SPPL3: variants seen among roughly 807,000 people sequenced by gnomAD.
The protein encoded by SPPL3 is signal peptide peptidase-like 3.
Under a neutral mutation model 42.4 loss-of-function variants are expected in SPPL3, and 5 were observed. The observed-to-expected ratio is 0.12, with a 90% CI of 0.06 to 0.25. The LOEUF (loss-of-function observed/expected upper bound fraction) is 0.25, where lower values mean the gene tolerates loss of function less well. Ranked by LOEUF, SPPL3 falls within the 10% of genes least tolerant of loss-of-function variation. The pLI, the probability that SPPL3 is intolerant of heterozygous loss-of-function variation, is 1.00. For synonymous variants in SPPL3, 195 were observed against 181.8 expected, an observed-to-expected ratio of 1.07 and a Z score of -0.58; for missense variants, 235 against 489.0, an observed-to-expected ratio of 0.48 and a Z score of 4.90.
At chr12:120,782,556 G>A (rs1423849248) in intron 6 of SPPL3, 99 bp downstream of exon 6, 2 of 946,606 alleles carry the variant, frequency 2.1e-6, no homozygotes, top group African/African-American at 1.7e-5. Context: ...TGCTCTAAAA[G>A]TTTATTGTAG....
chr12:120,774,399 A>T (rs1259968937), intron 6 of SPPL3, among the ~76,000 whole-genome samples: 1 of 152,206 alleles, frequency 6.6e-6, no homozygotes, highest in East Asian at 1.9e-4. Flanking sequence ...AAAGTTGCAT[A>T]AACTCAGGAG....
At chr12:120,821,942 C>T (rs1368073967) in intron 1 of SPPL3, among the ~76,000 whole-genome samples, 1 of 152,066 alleles carries the variant, frequency 6.6e-6, no homozygotes, top group Non-Finnish European at 1.5e-5. Flanking sequence ...CTGATACATG[C>T]TACAACATAA....
intron 1 of SPPL3, among the ~76,000 whole-genome samples, chr12:120,877,781 T>A (rs1266490275): frequency 1.5e-5 from 2 of 130,162 alleles, no homozygotes; most frequent in African/African-American, 2.9e-5. Context: ...AACTCCGTCT[T>A]AAAAAAAAAA....
intron 2 of SPPL3, among the ~76,000 whole-genome samples, chr12:120,803,833 T>C (rs893502064): frequency 2.6e-5 from 4 of 152,160 alleles, no homozygotes; most frequent in African/African-American, 9.7e-5. Context: ...GGCTTCTGTG[T>C]ATGATGTTTT....
chr12:120,835,877 T>C (rs1055157215), intron 1 of SPPL3, among the ~76,000 whole-genome samples: 10 of 152,190 alleles, frequency 6.6e-5, no homozygotes, highest in Non-Finnish European at 1.5e-4. Context: ...CCCTTGAGAA[T>C]CCTTAGATTT....
At chr12:120,888,999 A>C (rs1873550477) in intron 1 of SPPL3, among the ~76,000 whole-genome samples, 1 of 151,996 alleles carries the variant, frequency 6.6e-6, no homozygotes, top group Non-Finnish European at 1.5e-5. Context: ...TTTTTAGTAG[A>C]GATGGGGTTT....
chr12:120,809,133 C>T (rs1484563960), intron 2 of SPPL3, among the ~76,000 whole-genome samples: 1 of 152,180 alleles, frequency 6.6e-6, no homozygotes, highest in East Asian at 1.9e-4. Flanking sequence ...ATCACAAGGT[C>T]AGGAGATAGA....
At chr12:120,768,818 A>T (rs1364782495) in intron 7 of SPPL3, 135 bp downstream of exon 7, 2 of 731,372 alleles carry the variant, frequency 2.7e-6, no homozygotes, top group Non-Finnish European at 2.3e-6. Flanking sequence ...CCCATGATAC[A>T]GTTAAGGACT....
rs754118169 is a variant in SPPL3 at position 120,767,477 on chromosome 12, C to T, written c.890G>A (p.Cys297Tyr). The change falls in exon 9 of 11, where the codon TGT (cysteine) becomes TAT (tyrosine). Residue 297 changes from cysteine to tyrosine, a missense_variant. Cys to Tyr is a radical substitution (Grantham distance 194). Transcript: ENST00000353487. ...GATGTTGGCAGGTCCAGGGGCCCCA[C>T]AGGAGTCCCCACTGGCTTGCTTTTT... is the stretch of plus-strand genomic sequence containing the variant. ...NYKKQASGDS[C>Y]GAPGPANISG... 6.2e-7 allele frequency: 1 copy of T among 1,614,202 alleles called. No individual in the cohort carries two copies. Among genetic ancestry groups the T allele is most frequent in the Non-Finnish European group, 8.5e-7 (1 of 1,180,044 alleles).
chr12:120,904,138 A>G lies in SPPL3; in HGVS notation c.-271T>C. 3.4e-6 allele frequency: 1 copy of G among 293,600 alleles called. No individual in the cohort carries two copies. The highest frequency in any genetic ancestry group is 5.8e-5 in the East Asian group (1 of 17,228). The allele number at this position is 293,600 out of a possible 1,614,324, so 18.2% of individuals were successfully genotyped here. ...CGGCGGCGGCTCCGCTGCAGCTCCA[A>G]ACCCAACATGGCGGCGGCGGCGGCG... On this transcript the variant is annotated 5_prime_UTR_variant, in exon 1 of 11. Coordinates refer to ENST00000353487, the MANE Select transcript of SPPL3 (RefSeq NM_139015.5).
intron 1 of SPPL3, among the ~76,000 whole-genome samples, chr12:120,895,427 CAAA>C (rs11445980): frequency 2.2e-5 from 3 of 135,534 alleles, no homozygotes; most frequent in African/African-American, 2.8e-5. Flanking sequence ...AACTCCATCT[CAAA>C]AAAAAAAAAA....
chr12:120,862,013 A>T (rs1190767190), intron 1 of SPPL3, among the ~76,000 whole-genome samples: 1 of 152,232 alleles, frequency 6.6e-6, no homozygotes, highest in Non-Finnish European at 1.5e-5. Context: ...ATGAATTACA[A>T]TGTAGGCAGT....
intron 2 of SPPL3, among the ~76,000 whole-genome samples, chr12:120,792,821 G>A (rs1869966124): frequency 1.3e-5 from 2 of 152,188 alleles, no homozygotes; most frequent in South Asian, 2.1e-4. Flanking sequence ...AATGTGGCTG[G>A]TAGGACAGAG....
intron 1 of SPPL3, among the ~76,000 whole-genome samples, chr12:120,879,099 G>A (rs1401199893): frequency 3.4e-5 from 2 of 59,274 alleles, no homozygotes; most frequent in Non-Finnish European, 6.6e-5. Context: ...GGCAACAAGA[G>A]CAAAACTCTG....
intron 1 of SPPL3, among the ~76,000 whole-genome samples, chr12:120,873,162 T>C (rs1013451130): frequency 6.6e-6 from 1 of 152,220 alleles, no homozygotes; most frequent in Non-Finnish European, 1.5e-5. Flanking sequence ...AAAAGTACAG[T>C]ATCTCAAATG....
At chr12:120,850,823 GC>G (rs1342132598) in intron 1 of SPPL3, among the ~76,000 whole-genome samples, 1 of 152,146 alleles carries the variant, frequency 6.6e-6, no homozygotes, top group Non-Finnish European at 1.5e-5. Flanking sequence ...GCATTCCTTG[GC>G]TCACATTCCC....
At chr12:120,846,899 AG>A (rs1872059047) in intron 1 of SPPL3, among the ~76,000 whole-genome samples, 1 of 152,206 alleles carries the variant, frequency 6.6e-6, no homozygotes. Context: ...GGGAGTGTGG[AG>A]GTTTCTTTCA....
chr12:120,779,929 C>T (rs188463546), intron 6 of SPPL3, among the ~76,000 whole-genome samples: 3,063 of 147,360 alleles, frequency 0.021, 93 homozygotes, highest in African/African-American at 0.073. Context: ...ACCTAGGAGG[C>T]GGAGGTTGCA....
intron 1 of SPPL3, among the ~76,000 whole-genome samples, chr12:120,819,948 G>A (rs577740650): frequency 1.6e-4 from 25 of 152,154 alleles, no homozygotes; most frequent in African/African-American, 5.5e-4. Flanking sequence ...GCCACCATGA[G>A]AAAAAAGGTG....
Sources: allele counts gnomAD v4.1 joint callset (sites outside exome capture counted in the v4.1 genomes callset), GRCh38; gene constraint gnomAD v4.1.1; transcripts MANE v1.5; gene names NCBI Gene and HGNC (gene_info 2026-07-23, HGNC 2026-07-21).